Variants in DENND2B observed in about 807,000 individuals in gnomAD.
DENND2B encodes the protein DENN domain containing 2B, also known as DENN domain-containing protein 2B.
In DENND2B, 32 loss-of-function variants were observed where a neutral mutation model predicts 116.0. The ratio of observed to expected loss-of-function variants is 0.28; its 90% CI spans 0.21 to 0.37. DENND2B has a LOEUF of 0.37. Ranked by LOEUF, DENND2B falls within the 10% of genes least tolerant of loss-of-function variation. The pLI is 1.00. For missense variants in DENND2B, 1,276 were observed against 1,477.7 expected (o/e 0.86, Z 2.24); for synonymous variants, 588 against 583.9 (o/e 1.01, Z -0.10).
chr11:8,822,604 C>T (rs954409938), intron 4 of DENND2B, among the ~76,000 whole-genome samples: 17 of 152,214 alleles, frequency 1.1e-4, no homozygotes, highest in African/African-American at 4.1e-4. Context: ...CAACTGGATA[C>T]TTTCCACCTC....
intron 4 of DENND2B, among the ~76,000 whole-genome samples, chr11:8,824,895 C>T (rs1374686175): frequency 2.2e-5 from 3 of 138,536 alleles, no homozygotes; most frequent in African/African-American, 5.4e-5. Context: ...GACACGGTTT[C>T]GCCATGTTGG....
chr11:8,721,685 G>C (rs888800903), intron 4 of DENND2B, among the ~76,000 whole-genome samples: 2 of 152,228 alleles, frequency 1.3e-5, no homozygotes, highest in Admixed American at 1.3e-4. Context: ...GACAGCCCCG[G>C]CACCTTCCCT....
chr11:8,760,843 T>A (rs1174926373), intron 1 of DENND2B, among the ~76,000 whole-genome samples: 1 of 152,168 alleles, frequency 6.6e-6, no homozygotes, highest in Non-Finnish European at 1.5e-5. Context: ...TTTGTTTTGC[T>A]GGGAGGTCAG....
chr11:8,871,505 G>T (rs2063781473), upstream of DENND2B: 1 of 152,326 alleles, frequency 6.6e-6, no homozygotes, highest in Non-Finnish European at 1.5e-5. Context: ...AGCTGGGAGA[G>T]TCTGGGAAAA....
At chr11:8,719,049 G>T (rs2045652661) in intron 4 of DENND2B, 11 of 985,494 alleles carry the variant, frequency 1.1e-5, no homozygotes, top group South Asian at 9.4e-5. Flanking sequence ...GATTGAGCCT[G>T]GGTGCCACTG....
At chr11:8,872,485 T>TAAAA (rs398044981), upstream of DENND2B, among the ~76,000 whole-genome samples, 1 of 102,958 alleles carries the variant, frequency 9.7e-6, no homozygotes. Flanking sequence ...AGACTCCGTC[T>TAAAA]AAAAAAAAAA....
intron 4 of DENND2B, among the ~76,000 whole-genome samples, chr11:8,836,519 T>C (rs1230595108): frequency 6.8e-6 from 1 of 147,210 alleles, no homozygotes. Flanking sequence ...CCTGCCAGGT[T>C]CAAACGATTC....
intron 2 of DENND2B, among the ~76,000 whole-genome samples, chr11:8,864,699 G>A (rs772920575): frequency 3.9e-4 from 59 of 152,128 alleles, no homozygotes; most frequent in Non-Finnish European, 5.1e-4. Flanking sequence ...TTCCGCAGGA[G>A]ATATTCAAAA....
intron 1 of DENND2B, among the ~76,000 whole-genome samples, chr11:8,766,190 A>G (rs2055739654): frequency 6.6e-6 from 1 of 152,160 alleles, no homozygotes; most frequent in Non-Finnish European, 1.5e-5. Context: ...TGGAGCCAAG[A>G]GGAGTTCCCA....
intron 2 of DENND2B, 33 bp downstream of exon 2, chr11:8,750,588 G>C (rs767806139): frequency 1.3e-6 from 2 of 1,590,618 alleles, no homozygotes; most frequent in Non-Finnish European, 1.7e-6. Flanking sequence ...TAGGTCCCTT[G>C]ATGCCACCTC....
intron 3 of DENND2B, among the ~76,000 whole-genome samples, chr11:8,847,594 G>A (rs1295234486): frequency 1.3e-5 from 2 of 152,078 alleles, no homozygotes; most frequent in Admixed American, 6.6e-5. Context: ...GAAAAGAAAA[G>A]CTAATCCCTG....
chr11:8,715,213 C>A (rs1051502600), intron 6 of DENND2B, among the ~76,000 whole-genome samples: 2 of 152,156 alleles, frequency 1.3e-5, no homozygotes, highest in African/African-American at 4.8e-5. Flanking sequence ...GGCCTGGCTG[C>A]CTATGTGTGA....
At chr11:8,894,585 A>G (rs1024718547) in intron 1 of DENND2B, among the ~76,000 whole-genome samples, 2 of 152,186 alleles carry the variant, frequency 1.3e-5, no homozygotes, top group Non-Finnish European at 2.9e-5. Flanking sequence ...AAAAGTGGGC[A>G]AAGGATATGA....
chr11:8,797,567 A>G (rs2134381854), intron 1 of DENND2B, among the ~76,000 whole-genome samples: 1 of 137,560 alleles, frequency 7.3e-6, no homozygotes, highest in East Asian at 2.2e-4. Flanking sequence ...CTTCTCTGAG[A>G]CAGAGTCTTG....
intron 1 of DENND2B, among the ~76,000 whole-genome samples, chr11:8,892,802 G>A (rs562806803): frequency 2.0e-5 from 3 of 152,226 alleles, no homozygotes; most frequent in East Asian, 1.9e-4. Flanking sequence ...ATTCACAGTC[G>A]AATTCTACCA....
At chr11:8,811,463 G>A (rs1488686013), upstream of DENND2B, 1 of 394,724 alleles carries the variant, frequency 2.5e-6, no homozygotes, top group Non-Finnish European at 4.5e-6. Context: ...AGGATCTGCA[G>A]CTAAGGTGCA....
intron 1 of DENND2B, among the ~76,000 whole-genome samples, chr11:8,760,610 C>A (rs1362941096): frequency 6.6e-6 from 1 of 151,990 alleles, no homozygotes; most frequent in Non-Finnish European, 1.5e-5. Flanking sequence ...AGAGTCAGAC[C>A]CTGTGAGAAG....
chr11:8,800,651 T>C lies in DENND2B; in HGVS notation c.-26+9866A>G, dbSNP rs143581954. 2.3e-3 allele frequency among the ~76,000 whole-genome samples: 346 copies of C among 152,316 alleles called. 1 individual carries two copies. Among genetic ancestry groups the C allele is most frequent in the African/African-American group, 8.1e-3 (336 of 41,564 alleles). Reference sequence around the variant, plus strand: ...GGCCTGTCTGGGCTCAGCAGGCCCATAAATTGGCACTGTTGATATGACCTT... The same window carrying C: ...GGCCTGTCTGGGCTCAGCAGGCCCACAAATTGGCACTGTTGATATGACCTT... On this transcript the variant is annotated intron_variant, in intron 1 of 19. Transcript: ENST00000313726.
intron 14 of DENND2B, among the ~76,000 whole-genome samples, chr11:8,700,347 C>G (rs1389999574): frequency 6.6e-6 from 1 of 152,174 alleles, no homozygotes; most frequent in Non-Finnish European, 1.5e-5. Flanking sequence ...GTGTGAGACA[C>G]AGAAGCATTG....
Sources: allele counts gnomAD v4.1 joint callset (sites outside exome capture counted in the v4.1 genomes callset), GRCh38; gene constraint gnomAD v4.1.1; transcripts MANE v1.5; gene names NCBI Gene and HGNC (gene_info 2026-07-23, HGNC 2026-07-21).